Variants in ARHGEF6 observed in about 807,000 individuals in gnomAD.
ARHGEF6 encodes rho guanine nucleotide exchange factor 6.
In ARHGEF6, 9 loss-of-function variants were observed where a neutral mutation model predicts 70.3. That is an observed-to-expected ratio of 0.13 (90% confidence interval 0.08 to 0.22). The LOEUF is 0.22. Ranked by LOEUF, ARHGEF6 falls within the 10% of genes least tolerant of loss-of-function variation. The probability of loss-of-function intolerance (pLI) is 1.00; values close to 1 mark genes in which losing one functional copy is unlikely to be tolerated. For synonymous variants in ARHGEF6, 201 were observed against 207.8 expected, an observed-to-expected ratio of 0.97 and a Z score of 0.28; for missense variants, 470 against 563.0, an observed-to-expected ratio of 0.83 and a Z score of 1.67.
chrX:136,710,733 C>G (rs2076676446), intron 7 of ARHGEF6, among the ~76,000 whole-genome samples: 1 of 111,016 alleles, frequency 9.0e-6, no homozygotes, highest in Non-Finnish European at 1.9e-5. Flanking sequence ...CATTTAGGAA[C>G]AGTACAGGTC....
At position 136,675,061 on chromosome X, in the gene ARHGEF6, T is replaced by C. The variant is rs1206724006; in HGVS notation, c.1981A>G (p.Lys661Glu). 1.7e-6 allele frequency: 2 copies of C among 1,210,113 alleles called. No individual in the cohort carries two copies. The highest frequency in any genetic ancestry group is 2.2e-6 in the Non-Finnish European group (2 of 895,040). Residue 661 changes from lysine (K) to glutamate (E), a missense_variant, in exon 19 of 22, where the codon AAA (lysine) becomes GAA (glutamate). By Grantham distance (56) the Lys-to-Glu change is moderately conservative. This residue lies in a region of ARHGEF6 where 88 missense variants were observed against 95.5 expected (regional missense o/e 0.92). Transcript: ENST00000250617. ...CTGGTGCAGTAGGCTTCGATCACTT[T>C]AAGGATTTGAGCATCCTCTTCCAGA... ...AALEEDAQIL[K>E]VIEAYCTSAN...
intron 9 of ARHGEF6, among the ~76,000 whole-genome samples, chrX:136,691,960 C>T (rs2148595684): frequency 8.9e-6 from 1 of 111,794 alleles, no homozygotes; most frequent in Admixed American, 9.5e-5. Context: ...TGCCATGGTT[C>T]CCAACTGTGG....
chrX:136,706,086 A>G (rs2076623647), intron 9 of ARHGEF6, among the ~76,000 whole-genome samples: 1 of 111,986 alleles, frequency 8.9e-6, no homozygotes, highest in African/African-American at 3.2e-5. Context: ...ATATGACTTC[A>G]AAGGTAAAAT....
At chrX:136,760,462 C>T (rs764997878) in intron 2 of ARHGEF6, among the ~76,000 whole-genome samples, 1 of 112,255 alleles carries the variant, frequency 8.9e-6, no homozygotes, top group East Asian at 2.8e-4. Context: ...CTGTTGTCCC[C>T]AGAAACAGCC....
intron 6 of ARHGEF6, among the ~76,000 whole-genome samples, chrX:136,729,613 C>T (rs1042311025): frequency 9.3e-6 from 1 of 107,065 alleles, no homozygotes; most frequent in Non-Finnish European, 1.9e-5. Flanking sequence ...GGGCAGATAA[C>T]GAACTCAGGA....
chrX:136,680,609 A>G, intron 15 of ARHGEF6, 122 bp downstream of exon 15: 1 of 840,242 alleles, frequency 1.2e-6, no homozygotes, highest in East Asian at 3.1e-5. Context: ...TGTACTTCAA[A>G]ATCTACAAAT....
At chrX:136,698,560 G>T (rs1000363156) in intron 9 of ARHGEF6, among the ~76,000 whole-genome samples, 1 of 111,864 alleles carries the variant, frequency 8.9e-6, no homozygotes, top group African/African-American at 3.2e-5. Context: ...ATTAACAGCT[G>T]ATTTCTCATC....
chrX:136,735,093 G>T (rs1279098523), intron 5 of ARHGEF6, among the ~76,000 whole-genome samples: 2 of 112,117 alleles, frequency 1.8e-5, no homozygotes, highest in Admixed American at 9.4e-5. Flanking sequence ...AGGCAAGGAT[G>T]CATGCTCTCA....
intron 8 of ARHGEF6, 124 bp from the exon 9 acceptor site, chrX:136,707,154 C>T (rs2076634782): frequency 7.1e-6 from 6 of 850,411 alleles, no homozygotes; most frequent in Non-Finnish European, 1.0e-5. Context: ...AAAAGAGAAA[C>T]TATATTATAA....
chrX:136,773,642 G>A (rs4829848), intron 2 of ARHGEF6, among the ~76,000 whole-genome samples: 15,803 of 111,851 alleles, frequency 0.14, 802 homozygotes, highest in South Asian at 0.29. Context: ...TATGCCTTAT[G>A]TGCAGTGCTA....
chrX:136,750,070 A>T (rs760725974), intron 2 of ARHGEF6, among the ~76,000 whole-genome samples: 29 of 111,660 alleles, frequency 2.6e-4, no homozygotes, highest in Non-Finnish European at 5.1e-4. Flanking sequence ...GCAGTGTGAG[A>T]CCAAGTTTAG....
intron 9 of ARHGEF6, among the ~76,000 whole-genome samples, chrX:136,693,124 G>A (rs777135632): frequency 2.7e-5 from 3 of 111,830 alleles, no homozygotes; most frequent in African/African-American, 6.5e-5. Flanking sequence ...ATGACTGCCC[G>A]CATCCTCAAC....
chrX:136,674,468 C>A (rs1290721492), intron 19 of ARHGEF6, among the ~76,000 whole-genome samples: 1 of 112,488 alleles, frequency 8.9e-6, no homozygotes, highest in Non-Finnish European at 1.9e-5. Flanking sequence ...AATACCCTAA[C>A]CTAATAACTC....
chrX:136,767,710 C>T (rs528926384), intron 2 of ARHGEF6: 7,748 of 753,440 alleles, frequency 0.01, 29 homozygotes, highest in South Asian at 0.03. Context: ...CGCCGGTCCC[C>T]TCCTGCCCGC....
rs1350625062 is a variant in ARHGEF6, at chrX:136,747,560, G to A, written c.282C>T (p.Val94=). 3 of 1,202,992 alleles carry A rather than the reference G, an allele frequency of 2.5e-6. No individual in the cohort carries two copies. Among genetic ancestry groups the A allele is most frequent in the Non-Finnish European group, 3.4e-6 (3 of 891,694 alleles). The change falls in exon 3 of 22, where the codon GTC becomes GTT. Residue 94 remains valine, a synonymous_variant. Coordinates refer to ENST00000250617, the MANE Select transcript of ARHGEF6 (RefSeq NM_004840.3). Reference sequence around the variant, plus strand: ...GAGTACTCAGTACCTTGGAGAAATTGACCCCTGAATAAAGGTCATCAGGAT... The same window carrying A: ...GAGTACTCAGTACCTTGGAGAAATTAACCCCTGAATAAAGGTCATCAGGAT... ...IFDPDDLYSG[V]NFSKVLSTLL...
chrX:136,690,786 T>A, intron 9 of ARHGEF6, 38 bp from the exon 10 acceptor site: 1 of 1,162,032 alleles, frequency 8.6e-7, no homozygotes, highest in South Asian at 1.8e-5. Context: ...TACTGTTGAA[T>A]ATCTCATGTA....
chrX:136,683,178 C>A (rs916539647), intron 12 of ARHGEF6, among the ~76,000 whole-genome samples: 2 of 111,178 alleles, frequency 1.8e-5, no homozygotes, highest in African/African-American at 6.6e-5. Context: ...AAATAAGTCT[C>A]CAGGTTCACA....
chrX:136,706,857 G>A (rs2076631953), intron 9 of ARHGEF6, 51 bp downstream of exon 9: 1 of 1,202,347 alleles, frequency 8.3e-7, no homozygotes, highest in East Asian at 3.0e-5. Flanking sequence ...AAATGACGTG[G>A]TCCTAAGAAA....
At chrX:136,683,178 C>T (rs916539647) in intron 12 of ARHGEF6, among the ~76,000 whole-genome samples, 3 of 111,178 alleles carry the variant, frequency 2.7e-5, no homozygotes, top group Non-Finnish European at 5.7e-5. Flanking sequence ...AAATAAGTCT[C>T]CAGGTTCACA....
Sources: gnomAD v4.1 joint callset for allele counts (sites outside exome capture counted in the v4.1 genomes callset) on GRCh38, gnomAD v4.1.1 for gene constraint, gnomAD v4.1.1 regional missense constraint, MANE v1.5 for transcripts, NCBI Gene and HGNC (gene_info 2026-07-23, HGNC 2026-07-21) for gene names.